The following DROSHA variants were observed in gnomAD, a reference collection of about 807,000 sequenced individuals.
DROSHA encodes ribonuclease 3.
A neutral mutation model predicts 181.9 loss-of-function variants in DROSHA; 56 were observed. The ratio of observed to expected loss-of-function variants is 0.31; its 90% confidence interval spans 0.25 to 0.38. DROSHA has a LOEUF of 0.38. Among genes scored for constraint, DROSHA ranks in the 10% least tolerant of loss-of-function variants. The pLI is 1.00. For synonymous variants in DROSHA, 524 were observed against 591.2 expected (o/e 0.89, Z 1.65); for missense variants, 1,218 against 1,743.5 (o/e 0.70, Z 5.37).
intron 16 of DROSHA, among the ~76,000 whole-genome samples, chr5:31,479,714 T>A (rs1490433232): frequency 6.6e-6 from 1 of 152,178 alleles, no homozygotes; most frequent in Non-Finnish European, 1.5e-5. Flanking sequence ...TTTATATTCA[T>A]GTTCTATATT....
At chr5:31,503,795 G>C (rs1231114232) in intron 11 of DROSHA, among the ~76,000 whole-genome samples, 2 of 152,096 alleles carry the variant, frequency 1.3e-5, no homozygotes, top group Non-Finnish European at 2.9e-5. Context: ...CGCTACACTT[G>C]CCAACTTTCA....
intron 16 of DROSHA, among the ~76,000 whole-genome samples, chr5:31,475,897 A>T (rs527467843): frequency 1.3e-5 from 2 of 152,346 alleles, no homozygotes; most frequent in African/African-American, 4.8e-5. Context: ...CACTTCAGAT[A>T]AAAGGGAAAT....
At chr5:31,524,428 A>G (rs567059726) in intron 5 of DROSHA, among the ~76,000 whole-genome samples, 26 of 152,350 alleles carry the variant, frequency 1.7e-4, no homozygotes, top group Admixed American at 1.7e-3. Context: ...GAGCTCAAAC[A>G]CTTTTAGCAC....
intron 16 of DROSHA, among the ~76,000 whole-genome samples, chr5:31,480,894 A>C (rs1750959218): frequency 6.6e-6 from 1 of 152,168 alleles, no homozygotes; most frequent in Non-Finnish European, 1.5e-5. Context: ...AAATGCTAAA[A>C]ATGAATAATA....
At chr5:31,435,664 T>C in intron 25 of DROSHA, 101 bp downstream of exon 25, 1 of 1,022,880 alleles carries the variant, frequency 9.8e-7, no homozygotes, top group East Asian at 2.4e-5. Context: ...TTAACACTCC[T>C]AATATATCCT....
chr5:31,472,324 A>C, intron 16 of DROSHA, 92 bp from the exon 17 acceptor site: 5 of 1,384,366 alleles, frequency 3.6e-6, no homozygotes, highest in Non-Finnish European at 3.9e-6. Flanking sequence ...AAACAAGACA[A>C]TGGAGGAAAA....
At chr5:31,498,203 T>C (rs1753206212) in intron 11 of DROSHA, among the ~76,000 whole-genome samples, 1 of 151,990 alleles carries the variant, frequency 6.6e-6, no homozygotes, top group African/African-American at 2.4e-5. Context: ...TGACATGGAG[T>C]ATCAGCCCTG....
In DROSHA at chr5:31,529,185, T is replaced by C. The variant is rs1001497692; in HGVS notation, c.-46-80A>G. On this transcript the variant is annotated intron_variant, in intron 3 of 35. Coordinates refer to ENST00000344624, the MANE Select transcript of DROSHA (RefSeq NM_001382508.1). Reference sequence around the variant, plus strand: ...CTACAAAATATTTCTGCAATTACCATAACACTAATTTTGTAGTTTCCAATA... The same window carrying C: ...CTACAAAATATTTCTGCAATTACCACAACACTAATTTTGTAGTTTCCAATA... 87 of 1,289,748 alleles carry C rather than the reference T, an allele frequency of 6.7e-5. 1 individual carries two copies. Among genetic ancestry groups the C allele is most frequent in the Admixed American group, 2.1e-5 (1 of 47,768 alleles). The allele number at this position is 1,289,748 out of a possible 1,614,324, so 79.9% of individuals were successfully genotyped here. A position where few individuals can be genotyped will look rare whatever the true frequency, so the allele number is the denominator to read the frequency against.
intron 8 of DROSHA, among the ~76,000 whole-genome samples, chr5:31,511,683 T>C (rs1017597869): frequency 6.9e-6 from 1 of 145,872 alleles, no homozygotes; most frequent in Non-Finnish European, 1.5e-5. Flanking sequence ...CTGGGTGACA[T>C]AGAGAGACCT....
chr5:31,426,866 G>A lies in DROSHA; in HGVS notation c.3217-2395C>T, dbSNP rs144794764. On this transcript the variant is annotated intron_variant, in intron 27 of 35. Coordinates refer to ENST00000344624, the MANE Select transcript of DROSHA (RefSeq NM_001382508.1). ...ACTGGAGCGGTGGGGGATGGCAGCC[G>A]GTTAGAGTTCAAGTGAGAAATGAGG... is the stretch of plus-strand genomic sequence containing the variant. 7.4e-3 allele frequency among the ~76,000 whole-genome samples: 1,129 copies of A among 152,212 alleles called. 16 individuals carry two copies. The highest frequency in any genetic ancestry group is 0.032 in the Admixed American group (483 of 15,284).
intron 16 of DROSHA, among the ~76,000 whole-genome samples, chr5:31,478,183 T>G (rs979929344): frequency 6.6e-6 from 1 of 152,222 alleles, no homozygotes; most frequent in East Asian, 1.9e-4. Flanking sequence ...CATCAGACTT[T>G]TCGCTTATCA....
chr5:31,451,386 CAACCAGGGTAGAGCAATGGAGAG>C (rs1367652264), intron 21 of DROSHA, 124 bp downstream of exon 21: 4 of 638,624 alleles, frequency 6.3e-6, no homozygotes, highest in Non-Finnish European at 1.1e-5. Flanking sequence ...GCAGCAGAGG[CAACCAGGGTAGAGCAATGGAGAG>C]AACTATGTTT....
chr5:31,462,661 G>T (rs1338669473), intron 20 of DROSHA, among the ~76,000 whole-genome samples: 4 of 136,382 alleles, frequency 2.9e-5, no homozygotes, highest in East Asian at 5.2e-4. Context: ...AAGGCTCAAT[G>T]CTTCAGAAAA....
chr5:31,482,578 T>G (rs1166476198), intron 16 of DROSHA, among the ~76,000 whole-genome samples: 1 of 152,152 alleles, frequency 6.6e-6, no homozygotes, highest in Non-Finnish European at 1.5e-5. Context: ...GTGACAATCC[T>G]TACAGTAGAA....
At chr5:31,502,290 A>G (rs1270818946) in intron 11 of DROSHA, among the ~76,000 whole-genome samples, 1 of 152,230 alleles carries the variant, frequency 6.6e-6, no homozygotes, top group Non-Finnish European at 1.5e-5. Flanking sequence ...GGCAGATCCT[A>G]TAATGTTGGT....
chr5:31,414,428 TAG>T (rs1214880555), intron 30 of DROSHA, among the ~76,000 whole-genome samples: 2 of 152,310 alleles, frequency 1.3e-5, no homozygotes, highest in South Asian at 2.1e-4. Flanking sequence ...TGCCTCGTGT[TAG>T]AGATAGCAAA....
chr5:31,520,135 G>T (rs775008363), intron 6 of DROSHA, among the ~76,000 whole-genome samples: 1 of 151,906 alleles, frequency 6.6e-6, no homozygotes, highest in Admixed American at 6.6e-5. Context: ...TCGAGTTATT[G>T]ACCTATTAAA....
At chr5:31,410,630 A>G (rs1400845813) in intron 31 of DROSHA, 116 bp downstream of exon 31, 1 of 1,411,900 alleles carries the variant, frequency 7.1e-7, no homozygotes, top group Non-Finnish European at 9.4e-7. Flanking sequence ...AAAAATTAAA[A>G]TAGCAAACAA....
rs150811425 is a variant in DROSHA at position 31,435,732 on chromosome 5, C to A, written c.3042+33G>T. 39 of 1,593,120 alleles carry A rather than the reference C, an allele frequency of 2.4e-5. No individual in the cohort carries two copies. In the African/African-American group the frequency reaches 4.3e-4, roughly 18 times the overall value. ...ATGGACCGCAGAAGAGCATGTCAGA[C>A]GTAACTACAAATGCTGCAGATGTCT... On this transcript the variant is annotated intron_variant, in intron 25 of 35. Transcript: ENST00000344624.
Sources: gnomAD v4.1 joint callset for allele counts (sites outside exome capture counted in the v4.1 genomes callset) on GRCh38, gnomAD v4.1.1 for gene constraint, MANE v1.5 for transcripts, NCBI Gene and HGNC (gene_info 2026-07-23, HGNC 2026-07-21) for gene names.